PLXDC2: variants seen among roughly 807,000 people sequenced by gnomAD.
The protein encoded by PLXDC2 is plexin domain containing 2.
PLXDC2 carries 40 observed loss-of-function variants against 68.9 expected under a neutral mutation model. The ratio of observed to expected loss-of-function variants is 0.58; its 90% confidence interval spans 0.45 to 0.76. PLXDC2 has a LOEUF of 0.76. Ranked by LOEUF, PLXDC2 falls within the 30% of genes least tolerant of loss-of-function variation. The pLI is 0.00. For missense variants in PLXDC2, 644 were observed against 661.9 expected (o/e 0.97, Z 0.30); for synonymous variants, 243 against 234.2 (o/e 1.04, Z -0.34).
chr10:20,264,879 T>TA (rs971930362), intron 13 of PLXDC2, among the ~76,000 whole-genome samples: 22 of 152,098 alleles, frequency 1.4e-4, no homozygotes, highest in African/African-American at 4.8e-4. Flanking sequence ...TCTTGAAATT[T>TA]AAAAAAGTAA....
chr10:20,189,732 C>G (rs745397440), intron 9 of PLXDC2, among the ~76,000 whole-genome samples: 17 of 150,772 alleles, frequency 1.1e-4, no homozygotes, highest in South Asian at 4.2e-4. Flanking sequence ...GCTTGTAATT[C>G]TTGTCTTTTT....
At chr10:19,900,040 G>T (rs933306019) in intron 1 of PLXDC2, among the ~76,000 whole-genome samples, 9 of 152,122 alleles carry the variant, frequency 5.9e-5, no homozygotes, top group Non-Finnish European at 1.3e-4. Flanking sequence ...ACACTTCTTG[G>T]AATTTCAATT....
At chr10:20,013,528 ATAT>A (rs1286313324) in intron 2 of PLXDC2, among the ~76,000 whole-genome samples, 3 of 152,172 alleles carry the variant, frequency 2.0e-5, no homozygotes, top group African/African-American at 7.2e-5. Flanking sequence ...TTAGGTTATA[ATAT>A]TCTTCCTTTT....
intron 1 of PLXDC2, among the ~76,000 whole-genome samples, chr10:19,838,340 T>C (rs138161089): frequency 3.3e-4 from 51 of 152,336 alleles, no homozygotes; most frequent in African/African-American, 1.2e-3. Flanking sequence ...ATGGAATTAT[T>C]CATTTACGTA....
At chr10:20,218,103 C>G (rs1835164032) in intron 11 of PLXDC2, among the ~76,000 whole-genome samples, 1 of 152,080 alleles carries the variant, frequency 6.6e-6, no homozygotes, top group African/African-American at 2.4e-5. Context: ...ACAACTATTT[C>G]CTCTTCTAAG....
At chr10:20,270,349 A>G (rs1588554082) in intron 13 of PLXDC2, among the ~76,000 whole-genome samples, 1 of 152,292 alleles carries the variant, frequency 6.6e-6, no homozygotes, top group Admixed American at 6.5e-5. Context: ...CAGTAAATAT[A>G]GAATTGTTAG....
intron 4 of PLXDC2, among the ~76,000 whole-genome samples, chr10:20,132,377 G>A (rs183875202): frequency 2.6e-5 from 4 of 152,250 alleles, no homozygotes; most frequent in Non-Finnish European, 4.4e-5. Flanking sequence ...CTTCAGTCTT[G>A]TTCGTGTCTT....
chr10:20,143,099 A>G (rs574132859), intron 4 of PLXDC2, among the ~76,000 whole-genome samples, 196 bp from the exon 5 acceptor site: 62 of 152,206 alleles, frequency 4.1e-4, no homozygotes, highest in African/African-American at 1.4e-3. Flanking sequence ...GTTCTACCAA[A>G]TTATACAAGA....
At chr10:20,132,578 G>A (rs1164118133) in intron 4 of PLXDC2, among the ~76,000 whole-genome samples, 2 of 151,988 alleles carry the variant, frequency 1.3e-5, no homozygotes, top group Non-Finnish European at 2.9e-5. Flanking sequence ...TTGATGAATT[G>A]ATATCTTTAT....
intron 9 of PLXDC2, among the ~76,000 whole-genome samples, chr10:20,205,508 TTCTATGA>T (rs1472621684): frequency 6.6e-6 from 1 of 152,134 alleles, no homozygotes; most frequent in African/African-American, 2.4e-5. Context: ...TCTCATAATA[TTCTATGA>T]TATTAGTTCC....
intron 5 of PLXDC2, among the ~76,000 whole-genome samples, chr10:20,144,579 C>A (rs1286226238): frequency 6.6e-6 from 1 of 152,172 alleles, no homozygotes; most frequent in East Asian, 1.9e-4. Context: ...ATTATATTCT[C>A]TTCTCTTCCA....
At chr10:20,199,567 A>C (rs895408465) in intron 9 of PLXDC2, among the ~76,000 whole-genome samples, 2 of 152,034 alleles carry the variant, frequency 1.3e-5, no homozygotes, top group African/African-American at 2.4e-5. Context: ...TAACATTAGC[A>C]AAAATAGTTA....
chr10:19,837,405 AGAGAGTGTGTGTGTGTGT>A (rs1394799834), intron 1 of PLXDC2, among the ~76,000 whole-genome samples: 851 of 45,026 alleles, frequency 0.019, 12 homozygotes, highest in South Asian at 0.12. Flanking sequence ...AGAGAGAGAG[AGAGAGTGTGTGTGTGTGT>A]GTGTGTGTGT....
At chr10:20,100,889 A>T (rs1388134521) in intron 4 of PLXDC2, among the ~76,000 whole-genome samples, 1 of 83,320 alleles carries the variant, frequency 1.2e-5, no homozygotes, top group Non-Finnish European at 2.1e-5. Flanking sequence ...TGCTAAAATT[A>T]AAAAAAAAAA....
At chr10:19,970,641 A>G (rs1022158993) in intron 1 of PLXDC2, among the ~76,000 whole-genome samples, 7 of 152,124 alleles carry the variant, frequency 4.6e-5, no homozygotes, top group African/African-American at 1.7e-4. Flanking sequence ...TTTCCTATTG[A>G]TGTCATTGTG....
In PLXDC2 at chr10:19,822,047, A is replaced by G. The variant is rs893418194; in HGVS notation, c.112+4856A>G. On this transcript the variant is annotated intron_variant, in intron 1 of 13. Coordinates refer to ENST00000377252, the MANE Select transcript of PLXDC2 (RefSeq NM_032812.9). ...TGTATTTCCGTGTCTGAATTATTTT[A>G]CTTAGCACAATGTCCCCCAGATTCA... is the stretch of plus-strand genomic sequence containing the variant. 9.9e-5 allele frequency among the ~76,000 whole-genome samples: 15 copies of G among 151,990 alleles called. No individual in the cohort carries two copies. The East Asian group carries it at 2.3e-3, about 23-fold the overall frequency.
chr10:19,977,045 A>G (rs1278737947), intron 1 of PLXDC2, among the ~76,000 whole-genome samples: 1 of 152,138 alleles, frequency 6.6e-6, no homozygotes, highest in African/African-American at 2.4e-5. Context: ...TGTCCATCTC[A>G]TGGCATAATA....
intron 12 of PLXDC2, among the ~76,000 whole-genome samples, chr10:20,235,649 G>T (rs1016582362): frequency 3.9e-5 from 6 of 152,128 alleles, no homozygotes; most frequent in African/African-American, 9.7e-5. Context: ...AGCCCCAAAG[G>T]TTCCATCTTT....
intron 1 of PLXDC2, among the ~76,000 whole-genome samples, chr10:19,855,714 G>A (rs1837198089): frequency 1.3e-5 from 2 of 152,100 alleles, no homozygotes; most frequent in Non-Finnish European, 2.9e-5. Flanking sequence ...TTTCAAATTT[G>A]GAATGCTCAA....
Sources: gnomAD v4.1 joint callset for allele counts (sites outside exome capture counted in the v4.1 genomes callset) on GRCh38, gnomAD v4.1.1 for gene constraint, MANE v1.5 for transcripts, NCBI Gene and HGNC (gene_info 2026-07-23, HGNC 2026-07-21) for gene names.